UBR1: variants seen among roughly 807,000 people sequenced by gnomAD.
UBR1 encodes ubiquitin protein ligase E3 component n-recognin 1.
A neutral mutation model predicts 242.1 loss-of-function variants in UBR1; 102 were observed. The ratio of observed to expected loss-of-function variants is 0.42; its 90% CI spans 0.36 to 0.50. UBR1 has a LOEUF of 0.50. UBR1 is among the 20% of genes least tolerant of loss of function. The pLI, the probability that UBR1 is intolerant of heterozygous loss-of-function variation, is 0.01. For synonymous variants in UBR1, 675 were observed against 684.8 expected (o/e 0.99, Z 0.22); for missense variants, 1,772 against 2,101.8 (o/e 0.84, Z 3.07).
intron 39 of UBR1, among the ~76,000 whole-genome samples, chr15:42,972,113 C>A (rs2032216518): frequency 6.6e-6 from 1 of 152,206 alleles, no homozygotes; most frequent in South Asian, 2.1e-4. Context: ...GACATGCATG[C>A]ACCATTGTAG....
intron 30 of UBR1, among the ~76,000 whole-genome samples, chr15:43,006,106 G>GAAAAAAAAAAAAAAAAAAAAAAAAAAAAA (rs1235960946): frequency 1.8e-5 from 2 of 111,462 alleles, no homozygotes; most frequent in African/African-American, 3.5e-5. Flanking sequence ...AAAAAAAAAA[G>GAAAAAAAAAAAAAAAAAAAAAAAAAAAAA]AAAAAAAAAA....
intron 2 of UBR1, among the ~76,000 whole-genome samples, chr15:43,082,942 T>C (rs934360013): frequency 1.3e-5 from 2 of 152,362 alleles, no homozygotes; most frequent in Non-Finnish European, 2.9e-5. Context: ...ATGTTTGGTT[T>C]TCTTTCTGAA....
chr15:42,988,734 C>T (rs1180253154), intron 35 of UBR1, 85 bp downstream of exon 35: 12 of 1,545,634 alleles, frequency 7.8e-6, no homozygotes, highest in Non-Finnish European at 1.1e-5. Context: ...TATTCTGGGC[C>T]ATCAGTGAAA....
At chr15:43,013,022 C>T (rs1267017068) in intron 29 of UBR1, among the ~76,000 whole-genome samples, 1 of 152,174 alleles carries the variant, frequency 6.6e-6, no homozygotes, top group East Asian at 1.9e-4. Context: ...TCTCGTGCCT[C>T]AGCCTCCTGA....
At chr15:43,096,410 C>T (rs559819510) in intron 1 of UBR1, among the ~76,000 whole-genome samples, 1 of 152,196 alleles carries the variant, frequency 6.6e-6, no homozygotes, top group African/African-American at 2.4e-5. Context: ...AATCCGCCCA[C>T]CTCGGCCTCC....
chr15:42,984,892 T>A lies in UBR1; in HGVS notation c.4048A>T (p.Arg1350Trp). ...GKPLFGALQN[R>W]QHNGLKALMQ... Reference sequence around the variant, plus strand: ...CCTTGTTGGAATATACATACCTGCCTATTTTGAAGTGCTCCAAACAGAGGT... The same window carrying A: ...CCTTGTTGGAATATACATACCTGCCAATTTTGAAGTGCTCCAAACAGAGGT... Residue 1350 changes from arginine (R) to tryptophan (W), a missense_variant, in exon 36 of 47, where the codon AGG becomes TGG. Physicochemically the swap from Arg to Trp is moderately radical, Grantham distance 101 (BLOSUM62 -3). Coordinates refer to ENST00000290650, the MANE Select transcript of UBR1 (RefSeq NM_174916.3). 6.2e-7 allele frequency: 1 copy of A among 1,612,028 alleles called. No homozygotes were observed. Among genetic ancestry groups the A allele is most frequent in the Non-Finnish European group, 8.5e-7 (1 of 1,178,514 alleles).
chr15:42,990,349 C>A (rs1044612967), intron 33 of UBR1, among the ~76,000 whole-genome samples: 3 of 152,044 alleles, frequency 2.0e-5, no homozygotes, highest in African/African-American at 7.2e-5. Flanking sequence ...AGTTTTTAAA[C>A]AATTTTTTTG....
chr15:42,972,803 A>G (rs182959347), intron 39 of UBR1, among the ~76,000 whole-genome samples: 16 of 152,376 alleles, frequency 1.1e-4, no homozygotes, highest in Admixed American at 9.8e-4. Context: ...AAGCTGCTAT[A>G]AACATCCTTG....
chr15:43,065,474 A>G (rs1187473964), intron 6 of UBR1, among the ~76,000 whole-genome samples: 1 of 152,132 alleles, frequency 6.6e-6, no homozygotes, highest in African/African-American at 2.4e-5. Context: ...TATTAAGCCC[A>G]GGATCCATTA....
At position 42,976,933 on chromosome 15, in the gene UBR1, C is replaced by G. The variant is rs114229411; in HGVS notation, c.4219-66G>C. The G allele has an allele frequency of 2.9e-4, 445 of 1,554,756 alleles. 2 individuals carry two copies. In the African/African-American group the frequency reaches 4.5e-3, roughly 16 times the overall value. Reference sequence around the variant, plus strand: ...AGACTAACATAAATTAATGTCATAACTAAATGTGAAGGGCAGCAGATGCTA... The same window carrying G: ...AGACTAACATAAATTAATGTCATAAGTAAATGTGAAGGGCAGCAGATGCTA... On this transcript the variant is annotated intron_variant, in intron 38 of 46. Transcript: ENST00000290650.
At chr15:43,056,944 A>C (rs578163007) in intron 10 of UBR1, among the ~76,000 whole-genome samples, 105 of 152,228 alleles carry the variant, frequency 6.9e-4, no homozygotes, top group Non-Finnish European at 1.2e-3. Flanking sequence ...TAACAGCTGC[A>C]AAACAACCCT....
At chr15:43,029,499 T>C (rs913405964) in intron 21 of UBR1, among the ~76,000 whole-genome samples, 3 of 152,230 alleles carry the variant, frequency 2.0e-5, no homozygotes, top group Admixed American at 2.0e-4. Context: ...GAAAGGCCAT[T>C]GAAGCCCAGC....
At chr15:43,038,042 T>A in intron 16 of UBR1, 129 bp downstream of exon 16, 1 of 1,228,672 alleles carries the variant, frequency 8.1e-7, no homozygotes, top group South Asian at 1.3e-5. Flanking sequence ...ATGTACTATA[T>A]GAAGATGTAA....
intron 39 of UBR1, among the ~76,000 whole-genome samples, chr15:42,971,850 TTTAA>T (rs1198088199): frequency 2.0e-5 from 3 of 152,222 alleles, no homozygotes; most frequent in East Asian, 1.9e-4. Flanking sequence ...ATTTTTATTT[TTTAA>T]TTAATACACT....
chr15:43,047,627 C>T (rs896247206), intron 13 of UBR1, among the ~76,000 whole-genome samples: 1 of 152,104 alleles, frequency 6.6e-6, no homozygotes, highest in Non-Finnish European at 1.5e-5. Flanking sequence ...TAGAAGCTAA[C>T]AAGTGAAGAT....
At chr15:43,072,519 A>G (rs760279647) in intron 4 of UBR1, among the ~76,000 whole-genome samples, 7 of 152,210 alleles carry the variant, frequency 4.6e-5, no homozygotes, top group Non-Finnish European at 4.4e-5. Context: ...GCCTTTTACT[A>G]CTTTTCTTCC....
intron 9 of UBR1, 38 bp from the exon 10 acceptor site, chr15:43,058,467 A>C (rs1362107145): frequency 4.6e-6 from 7 of 1,522,162 alleles, no homozygotes; most frequent in African/African-American, 2.7e-5. Context: ...GAATGAGGAG[A>C]ATCACCAAGG....
intron 6 of UBR1, among the ~76,000 whole-genome samples, chr15:43,064,993 G>A (rs983829734): frequency 1.3e-5 from 2 of 152,106 alleles, no homozygotes; most frequent in African/African-American, 2.4e-5. Flanking sequence ...GCCACCTAAC[G>A]TTTTCTGAAT....
At chr15:43,014,026 T>C (rs2032968303) in intron 29 of UBR1, among the ~76,000 whole-genome samples, 1 of 152,240 alleles carries the variant, frequency 6.6e-6, no homozygotes, top group African/African-American at 2.4e-5. Flanking sequence ...CGATTGCAGG[T>C]GCACGCTGCC....
Sources: gnomAD v4.1 joint callset for allele counts (sites outside exome capture counted in the v4.1 genomes callset) on GRCh38, gnomAD v4.1.1 for gene constraint, MANE v1.5 for transcripts, NCBI Gene and HGNC (gene_info 2026-07-23, HGNC 2026-07-21) for gene names.